KIF16B: variants seen among roughly 807,000 people sequenced by gnomAD.
KIF16B encodes kinesin family member 16B.
In KIF16B, 98 loss-of-function variants were observed where a neutral mutation model predicts 156.3. The ratio of observed to expected loss-of-function variants is 0.63; its 90% CI spans 0.53 to 0.74. The LOEUF (loss-of-function observed/expected upper bound fraction) is 0.74, where lower values mean the gene tolerates loss of function less well. Ranked by LOEUF, KIF16B falls within the 30% of genes least tolerant of loss-of-function variation. The pLI is 0.00. For synonymous variants in KIF16B, 564 were observed against 583.7 expected (o/e 0.97, Z 0.49); for missense variants, 1,421 against 1,606.5 (o/e 0.88, Z 1.97).
intron 17 of KIF16B, among the ~76,000 whole-genome samples, chr20:16,385,116 G>A (rs1208782782): frequency 1.3e-5 from 2 of 151,618 alleles, no homozygotes; most frequent in Non-Finnish European, 2.9e-5. Context: ...AGAATGGCTT[G>A]AACCCAGGAG....
At chr20:16,430,703 C>T (rs938461513) in intron 12 of KIF16B, among the ~76,000 whole-genome samples, 2 of 152,018 alleles carry the variant, frequency 1.3e-5, no homozygotes, top group African/African-American at 4.8e-5. Context: ...CCGACACTGA[C>T]TCTCCTGATG....
intron 1 of KIF16B, among the ~76,000 whole-genome samples, chr20:16,555,020 C>T (rs1215560903): frequency 1.3e-5 from 2 of 152,248 alleles, no homozygotes; most frequent in African/African-American, 2.4e-5. Context: ...GCTGGTAGCA[C>T]AAGCTGAGCA....
chr20:16,370,583 T>C lies in KIF16B; in HGVS notation c.3498+3A>G, dbSNP rs1480006520. 3.8e-6 allele frequency: 6 copies of C among 1,574,844 alleles called. No homozygotes were observed. The highest frequency in any genetic ancestry group is 5.1e-6 in the Non-Finnish European group (6 of 1,167,744). ...CCTATCAATCTGAAAAATCATTACC[T>C]ACCTCATATTTTAGTTTACGTTGAA... On this transcript the variant is annotated splice_donor_region_variant and intron_variant, in intron 22 of 25. Transcript: ENST00000354981.
intron 25 of KIF16B, among the ~76,000 whole-genome samples, chr20:16,296,293 TC>T (rs1432226828): frequency 6.6e-6 from 1 of 152,176 alleles, no homozygotes; most frequent in Non-Finnish European, 1.5e-5. Flanking sequence ...TACTTCTGCT[TC>T]AGAGGCGATG....
intron 25 of KIF16B, among the ~76,000 whole-genome samples, chr20:16,280,867 T>TGTGTGTGTGTGTGTGTGTGTGC (rs758721339): frequency 2.3e-4 from 34 of 150,894 alleles, no homozygotes; most frequent in African/African-American, 7.6e-4. Flanking sequence ...TGTGTGTGTG[T>TGTGTGTGTGTGTGTGTGTGTGC]GCGCAGAAAA....
chr20:16,291,164 C>T (rs941230762), intron 25 of KIF16B, among the ~76,000 whole-genome samples: 1 of 152,168 alleles, frequency 6.6e-6, no homozygotes, highest in African/African-American at 2.4e-5. Context: ...GTTTTCTTTC[C>T]CTAGGACCTT....
At position 16,412,666 on chromosome 20, in the gene KIF16B, G is replaced by C. The variant is rs146949167; in HGVS notation, c.1613-6210C>G. On this transcript the variant is annotated intron_variant, in intron 15 of 25. Coordinates refer to ENST00000354981, the MANE Select transcript of KIF16B (RefSeq NM_024704.5). ...ATCTCGTGAGAACTCACCATCACAAGAACAGCAGAATGGGGGTAACCACCC... is the reference window on the plus strand; with the variant it reads ...ATCTCGTGAGAACTCACCATCACAACAACAGCAGAATGGGGGTAACCACCC... Among the ~76,000 whole-genome samples, 28 of 152,076 alleles carry C rather than the reference G, an allele frequency of 1.8e-4. No homozygotes were observed. The East Asian group carries it at 4.5e-3, about 24-fold the overall frequency.
intron 12 of KIF16B, among the ~76,000 whole-genome samples, chr20:16,457,354 T>C (rs1176862594): frequency 6.6e-6 from 1 of 152,200 alleles, no homozygotes; most frequent in African/African-American, 2.4e-5. Context: ...TTGCAAAACT[T>C]CTATTAGCAA....
intron 1 of KIF16B, among the ~76,000 whole-genome samples, chr20:16,561,964 C>T (rs1329891996): frequency 6.6e-6 from 1 of 152,112 alleles, no homozygotes; most frequent in Non-Finnish European, 1.5e-5. Flanking sequence ...GGATTGGATG[C>T]TGAACCAGAA....
In KIF16B at chr20:16,424,237, T is replaced by C. The variant is rs77196369; in HGVS notation, c.1612+2867A>G. Among the ~76,000 whole-genome samples the C allele has an allele frequency of 8.0e-3, 1,212 of 152,164 alleles. 17 individuals are homozygous for C. Among genetic ancestry groups the C allele is most frequent in the African/African-American group, 0.026 (1,085 of 41,504 alleles). On this transcript the variant is annotated intron_variant, in intron 15 of 25. Transcript: ENST00000354981. ...GATATTTCCCCTGCTCAACTTACCT[T>C]TATAAAATTGAAAAAACAGATGGAG... is the stretch of plus-strand genomic sequence containing the variant.
At chr20:16,314,811 G>C (rs1216288849) in intron 24 of KIF16B, among the ~76,000 whole-genome samples, 3 of 152,120 alleles carry the variant, frequency 2.0e-5, no homozygotes, top group African/African-American at 7.2e-5. Flanking sequence ...ATGGCTTCAA[G>C]GAGCAAAGGG....
At chr20:16,332,767 T>G (rs528310832) in intron 24 of KIF16B, among the ~76,000 whole-genome samples, 1 of 152,092 alleles carries the variant, frequency 6.6e-6, no homozygotes, top group Non-Finnish European at 1.5e-5. Flanking sequence ...AATAAAAAAA[T>G]TTTTCTTAAT....
Position 16,479,015 on chromosome 20 carries a change from A to G in KIF16B, c.1302+15276T>C, listed in dbSNP as rs1316714652. 3.3e-5 allele frequency among the ~76,000 whole-genome samples: 5 copies of G among 152,366 alleles called. No individual in the cohort carries two copies. The East Asian group carries it at 9.6e-4, about 29-fold the overall frequency. On this transcript the variant is annotated intron_variant, in intron 12 of 25. Transcript: ENST00000354981. ...AGACATGTCTAAGAAGATTCATGGCAGCACGATTTCTAACAGCCCAAAACA... is the reference window on the plus strand; with the variant it reads ...AGACATGTCTAAGAAGATTCATGGCGGCACGATTTCTAACAGCCCAAAACA...
rs56847164 is a variant in KIF16B, at chr20:16,274,075, TA to T, written c.3796-665del. On this transcript the variant is annotated intron_variant, in intron 25 of 25. Transcript: ENST00000354981. ...GTTACTCATTAAATAGAAAGATGAT[TA>T]AAAAAAAAAAACAAAAAAAAAAGGC... Among the ~76,000 whole-genome samples, 573 of 118,696 alleles carry T rather than the reference TA, an allele frequency of 4.8e-3. 5 individuals are homozygous for T. The highest frequency in any genetic ancestry group is 0.015 in the African/African-American group (499 of 32,366). 77.9% of individuals were successfully genotyped at this position (118,696 alleles called of 152,430 possible).
chr20:16,312,752 G>A (rs942113637), intron 24 of KIF16B, among the ~76,000 whole-genome samples: 1 of 145,436 alleles, frequency 6.9e-6, no homozygotes, highest in Non-Finnish European at 1.5e-5. Context: ...ACACATGTTT[G>A]TTCTTCTTTC....
intron 24 of KIF16B, among the ~76,000 whole-genome samples, chr20:16,321,497 C>T (rs986662079): frequency 3.3e-5 from 5 of 151,972 alleles, no homozygotes; most frequent in South Asian, 4.2e-4. Context: ...AGAAATTGAA[C>T]CAAGATGTTT....
At chr20:16,427,051 C>T in intron 15 of KIF16B, 53 bp downstream of exon 15, 1 of 1,475,086 alleles carries the variant, frequency 6.8e-7, no homozygotes, top group Non-Finnish European at 9.1e-7. Context: ...GCCTAGCCAA[C>T]TTGTTTTCTC....
At chr20:16,557,886 G>A (rs1346574222) in intron 1 of KIF16B, among the ~76,000 whole-genome samples, 1 of 152,188 alleles carries the variant, frequency 6.6e-6, no homozygotes, top group Non-Finnish European at 1.5e-5. Flanking sequence ...TACACGCCAA[G>A]CACAAGGAGC....
At chr20:16,494,488 A>ACC (rs2068390427) in intron 11 of KIF16B, 138 bp from the exon 12 acceptor site, 1 of 573,072 alleles carries the variant, frequency 1.7e-6, no homozygotes, top group East Asian at 3.1e-5. Flanking sequence ...CCCTGAAAGA[A>ACC]CCATCACCAA....
Sources: allele counts gnomAD v4.1 joint callset (sites outside exome capture counted in the v4.1 genomes callset), GRCh38; gene constraint gnomAD v4.1.1; transcripts MANE v1.5; gene names NCBI Gene and HGNC (gene_info 2026-07-23, HGNC 2026-07-21).